MAML3: variants seen among roughly 807,000 people sequenced by gnomAD.
MAML3 encodes the protein mastermind-like protein 3.
MAML3 carries 27 observed loss-of-function variants against 101.9 expected under a neutral mutation model. The ratio of observed to expected loss-of-function variants is 0.27; its 90% confidence interval spans 0.20 to 0.37. MAML3 has a LOEUF of 0.37. MAML3 is among the 10% of genes least tolerant of loss of function. MAML3 has a pLI of 1.00. For missense variants in MAML3, 1,316 were observed against 1,444.9 expected, an observed-to-expected ratio of 0.91 and a Z score of 1.45; for synonymous variants, 501 against 555.9, an observed-to-expected ratio of 0.90 and a Z score of 1.39.
intron 1 of MAML3, among the ~76,000 whole-genome samples, chr4:139,953,849 CT>C (rs1193419446): frequency 6.6e-6 from 1 of 152,196 alleles, no homozygotes; most frequent in Admixed American, 6.5e-5. Context: ...CTTTCTCATG[CT>C]CTTAGAGACT....
chr4:139,946,743 G>A (rs941713685), intron 1 of MAML3, among the ~76,000 whole-genome samples: 25 of 152,086 alleles, frequency 1.6e-4, no homozygotes, highest in Admixed American at 6.6e-5. Context: ...TAAAACAGCT[G>A]AATAAAACAT....
chr4:139,825,657 C>T (rs1384020467), intron 2 of MAML3, among the ~76,000 whole-genome samples: 1 of 152,126 alleles, frequency 6.6e-6, no homozygotes, highest in African/African-American at 2.4e-5. Context: ...CCTCCCCATT[C>T]CCCTGTATCC....
intron 1 of MAML3, among the ~76,000 whole-genome samples, chr4:140,071,626 C>T (rs1398460465): frequency 6.6e-6 from 1 of 151,314 alleles, no homozygotes; most frequent in East Asian, 1.9e-4. Flanking sequence ...ATTTCTTAGA[C>T]CCACAGCCAC....
chr4:140,048,197 G>A (rs1727212403), intron 1 of MAML3, among the ~76,000 whole-genome samples: 1 of 152,144 alleles, frequency 6.6e-6, no homozygotes, highest in Non-Finnish European at 1.5e-5. Flanking sequence ...TTTCAAGAAT[G>A]AAAGGGAAAT....
chr4:139,946,927 T>TA (rs1733743433), intron 1 of MAML3, among the ~76,000 whole-genome samples: 1 of 76,554 alleles, frequency 1.3e-5, no homozygotes, highest in Non-Finnish European at 2.7e-5. Flanking sequence ...ACACACACAC[T>TA]CTCTCTCTCT....
intron 1 of MAML3, among the ~76,000 whole-genome samples, chr4:140,067,843 C>G (rs1455195331): frequency 6.6e-6 from 1 of 151,516 alleles, no homozygotes; most frequent in Admixed American, 6.6e-5. Flanking sequence ...CAGCAATTCT[C>G]CTGCCTCAGC....
intron 1 of MAML3, among the ~76,000 whole-genome samples, chr4:140,090,723 C>T (rs1728030861): frequency 6.6e-6 from 1 of 152,210 alleles, no homozygotes; most frequent in Non-Finnish European, 1.5e-5. Context: ...GCTACTACTA[C>T]ATGCTTCCAC....
chr4:140,087,097 T>G (rs1034520899), intron 1 of MAML3, among the ~76,000 whole-genome samples: 1 of 152,090 alleles, frequency 6.6e-6, no homozygotes, highest in Non-Finnish European at 1.5e-5. Flanking sequence ...GAGGTGGAGG[T>G]TGCAGTGAGC....
chr4:139,829,674 A>T (rs1395235173), intron 2 of MAML3, among the ~76,000 whole-genome samples: 1 of 152,266 alleles, frequency 6.6e-6, no homozygotes, highest in Non-Finnish European at 1.5e-5. Context: ...ATACCCAAAT[A>T]GATTCACAAA....
intron 1 of MAML3, among the ~76,000 whole-genome samples, chr4:140,132,422 C>T (rs150783422): frequency 1.6e-3 from 241 of 152,338 alleles, no homozygotes; most frequent in Non-Finnish European, 2.9e-3. Flanking sequence ...GTGCTTCTCA[C>T]AGCTGTGCAG....
At chr4:139,807,295 G>T (rs1293237920) in intron 2 of MAML3, among the ~76,000 whole-genome samples, 4 of 152,010 alleles carry the variant, frequency 2.6e-5, no homozygotes, top group African/African-American at 9.7e-5. Context: ...TTGTGTGTGT[G>T]TGTGTGTGTA....
chr4:139,758,387 A>T (rs1729694615), intron 2 of MAML3, among the ~76,000 whole-genome samples: 1 of 152,112 alleles, frequency 6.6e-6, no homozygotes, highest in Admixed American at 6.6e-5. Context: ...ATATCTTTTA[A>T]CTTTTTTTTG....
chr4:139,836,371 A>G (rs115173483), intron 2 of MAML3, among the ~76,000 whole-genome samples: 1 of 152,226 alleles, frequency 6.6e-6, no homozygotes, highest in Non-Finnish European at 1.5e-5. Flanking sequence ...GGAGAAAAGC[A>G]TCAATGCCAT....
chr4:139,958,517 A>C (rs1358530725), intron 1 of MAML3, among the ~76,000 whole-genome samples: 2 of 152,144 alleles, frequency 1.3e-5, no homozygotes, highest in Non-Finnish European at 2.9e-5. Flanking sequence ...CCCAAACCCT[A>C]CTCAGAAGAG....
rs138357703 is a variant in MAML3 at position 140,005,091 on chromosome 4, G to A, written c.469-114124C>T. On this transcript the variant is annotated intron_variant, in intron 1 of 4. Transcript: ENST00000509479. ...TGGGGTGCTGGTGAATGTGGAGGAC[G>A]GGCTTTGAACAATGCAGTGGGTTAA... Among the ~76,000 whole-genome samples, 218 of 152,244 alleles carry A rather than the reference G, an allele frequency of 1.4e-3. 2 individuals are homozygous for A. The highest frequency in any genetic ancestry group is 2.0e-3 in the Non-Finnish European group (133 of 68,004).
chr4:140,043,625 A>G (rs548645193), intron 1 of MAML3, among the ~76,000 whole-genome samples: 2 of 152,290 alleles, frequency 1.3e-5, no homozygotes, highest in African/African-American at 4.8e-5. Context: ...CCACAATAAA[A>G]TTTTTCTTTA....
chr4:139,916,117 C>T (rs1016753038), intron 1 of MAML3, among the ~76,000 whole-genome samples: 4 of 152,214 alleles, frequency 2.6e-5, no homozygotes, highest in African/African-American at 9.7e-5. Context: ...CAAGGTCACA[C>T]AGCTAGTGTG....
At chr4:140,115,499 C>G (rs1728503430) in intron 1 of MAML3, among the ~76,000 whole-genome samples, 1 of 152,128 alleles carries the variant, frequency 6.6e-6, no homozygotes, top group African/African-American at 2.4e-5. Context: ...TCCACAATAA[C>G]ACAAATTAAT....
intron 1 of MAML3, among the ~76,000 whole-genome samples, chr4:140,152,457 G>T (rs1391152327): frequency 6.6e-6 from 1 of 152,102 alleles, no homozygotes; most frequent in Non-Finnish European, 1.5e-5. Flanking sequence ...GGGAGGCGAG[G>T]CGGCGCGGCT....
Sources: allele counts gnomAD v4.1 joint callset (sites outside exome capture counted in the v4.1 genomes callset), GRCh38; gene constraint gnomAD v4.1.1; transcripts MANE v1.5; gene names NCBI Gene and HGNC (gene_info 2026-07-23, HGNC 2026-07-21).